The following COL28A1 variants were observed in gnomAD, a reference collection of about 807,000 sequenced individuals.
COL28A1 encodes collagen alpha-1(XXVIII) chain.
A neutral mutation model predicts 150.2 loss-of-function variants in COL28A1; 161 were observed. That is an observed-to-expected ratio of 1.07 (90% CI 0.94 to 1.22). The LOEUF is 1.22. Among genes scored for constraint, COL28A1 ranks in the 50% most tolerant of loss-of-function variants. The pLI, the probability that COL28A1 is intolerant of heterozygous loss-of-function variation, is 0.00. For missense variants in COL28A1, 1,617 were observed against 1,388.3 expected (o/e 1.16, Z -2.62); for synonymous variants, 552 against 469.7 (o/e 1.18, Z -2.26).
Position 7,381,479 on chromosome 7 carries a change from A to G in COL28A1, c.2205+65T>C. 2.5e-6 allele frequency: 3 copies of G among 1,179,176 alleles called. No individual in the cohort carries two copies. The Middle Eastern group carries it at 5.8e-4, about 227-fold the overall frequency. The allele number at this position is 1,179,176 out of a possible 1,614,324, so 73.0% of individuals were successfully genotyped here. ...GTGACACATATATGAGAGTTCTTCC[A>G]AAGTTAAAGTTAAGCTATTGCGATC... On this transcript the variant is annotated intron_variant, in intron 28 of 34. Transcript: ENST00000399429.
chr7:7,495,920 T>C (rs989494096), intron 11 of COL28A1, among the ~76,000 whole-genome samples: 8 of 152,132 alleles, frequency 5.3e-5, no homozygotes, highest in African/African-American at 1.7e-4. Flanking sequence ...CTCCAATCCA[T>C]CTGTCATCAG....
chr7:7,540,355 T>C (rs1400985595), upstream of COL28A1, among the ~76,000 whole-genome samples: 1 of 152,264 alleles, frequency 6.6e-6, no homozygotes, highest in South Asian at 2.1e-4. Context: ...ATTCTAGATC[T>C]TGGTGAATTA....
downstream of COL28A1, among the ~76,000 whole-genome samples, chr7:7,351,614 C>T (rs1002678560): frequency 2.0e-5 from 3 of 151,980 alleles, no homozygotes; most frequent in African/African-American, 7.3e-5. Context: ...TTTTTGGAGT[C>T]TGATGTGACT....
chr7:7,456,124 A>G lies in COL28A1; in HGVS notation c.1303-12T>C, dbSNP rs1168198806. ...GGTCCTATATCCCCCTGCACAGAAA[A>G]TAAGCCAGGAAATATAACAATAAAA... On this transcript the variant is annotated splice_polypyrimidine_tract_variant and intron_variant, in intron 15 of 34. Coordinates refer to ENST00000399429, the MANE Select transcript of COL28A1 (RefSeq NM_001037763.3). The G allele has an allele frequency of 1.2e-6, 2 of 1,610,098 alleles. No homozygotes were observed. The highest frequency in any genetic ancestry group is 1.7e-6 in the Non-Finnish European group (2 of 1,178,066).
intron 15 of COL28A1, among the ~76,000 whole-genome samples, chr7:7,463,344 T>C (rs1355445547): frequency 6.6e-6 from 1 of 152,182 alleles, no homozygotes; most frequent in African/African-American, 2.4e-5. Flanking sequence ...GAGCACTAAA[T>C]GGAACTTTTA....
At chr7:7,534,790 C>T (rs971649078) in intron 1 of COL28A1, among the ~76,000 whole-genome samples, 1 of 152,084 alleles carries the variant, frequency 6.6e-6, no homozygotes, top group Admixed American at 6.6e-5. Context: ...ATAACTTTTC[C>T]ATTGACAATA....
intron 27 of COL28A1, among the ~76,000 whole-genome samples, chr7:7,403,159 T>A (rs943950675): frequency 1.3e-5 from 2 of 151,498 alleles, no homozygotes; most frequent in African/African-American, 4.9e-5. Flanking sequence ...GATATGTAAG[T>A]CAACCTGTTG....
At chr7:7,432,930 A>G (rs1295600886) in intron 23 of COL28A1, among the ~76,000 whole-genome samples, 1 of 144,684 alleles carries the variant, frequency 6.9e-6, no homozygotes, top group Non-Finnish European at 1.5e-5. Context: ...GAAGAGTAGA[A>G]AAGAATACAT....
At chr7:7,381,467 G>T in intron 28 of COL28A1, 77 bp downstream of exon 28, 1 of 1,002,914 alleles carries the variant, frequency 1.0e-6, no homozygotes, top group Non-Finnish European at 1.6e-6. Flanking sequence ...ACACATATAT[G>T]AGAGTTCTTC....
chr7:7,424,868 T>G (rs10085695), intron 25 of COL28A1, among the ~76,000 whole-genome samples: 6 of 152,116 alleles, frequency 3.9e-5, no homozygotes, highest in African/African-American at 1.4e-4. Flanking sequence ...ACTTAACAAA[T>G]GATTCAGTGA....
chr7:7,366,667 T>C (rs746138121), intron 33 of COL28A1, among the ~76,000 whole-genome samples: 2 of 151,952 alleles, frequency 1.3e-5, no homozygotes, highest in African/African-American at 2.4e-5. Context: ...GCTAAGAACA[T>C]ATTTTGGTAG....
In COL28A1 at chr7:7,383,240, CT is replaced by C. The variant is rs145169411; in HGVS notation, c.2137-1629del. 3.7e-3 allele frequency among the ~76,000 whole-genome samples: 530 copies of C among 144,610 alleles called. 2 individuals are homozygous for C. The highest frequency in any genetic ancestry group is 5.9e-3 in the Non-Finnish European group (393 of 66,440). 94.9% of individuals were successfully genotyped at this position (144,610 alleles called of 152,430 possible). A position where few individuals can be genotyped will look rare whatever the true frequency, so the allele number is the denominator to read the frequency against. ...TTAACTACATTTCAAAATAATACATCTTTTTTTTGTTGTGTGTGTGTGTGTG... is the reference window on the plus strand; with the variant it reads ...TTAACTACATTTCAAAATAATACATCTTTTTTTGTTGTGTGTGTGTGTGTG... On this transcript the variant is annotated intron_variant, in intron 27 of 34. Transcript: ENST00000399429.
In COL28A1 at chr7:7,516,521, A is replaced by G. The variant is rs191564530; in HGVS notation, c.856-681T>C. Reference sequence around the variant, plus strand: ...CACTGCCCATGGCCCTTTAAGAAATACAATAGTGAATATTACATGGCCTGG... The same window carrying G: ...CACTGCCCATGGCCCTTTAAGAAATGCAATAGTGAATATTACATGGCCTGG... On this transcript the variant is annotated intron_variant, in intron 7 of 34. Coordinates refer to ENST00000399429, the MANE Select transcript of COL28A1 (RefSeq NM_001037763.3). 2.0e-5 allele frequency among the ~76,000 whole-genome samples: 3 copies of G among 152,322 alleles called. No homozygotes were observed. In the East Asian group the frequency reaches 5.8e-4, roughly 29 times the overall value.
At chr7:7,514,359 CTG>C (rs1781308020) in intron 8 of COL28A1, among the ~76,000 whole-genome samples, 5 of 152,322 alleles carry the variant, frequency 3.3e-5, no homozygotes, top group African/African-American at 1.2e-4. Flanking sequence ...TCCAACCACT[CTG>C]TAAATTAGGC....
At chr7:7,360,228 C>T (rs1016106024) in intron 34 of COL28A1, among the ~76,000 whole-genome samples, 162 bp downstream of exon 34, 3 of 152,172 alleles carry the variant, frequency 2.0e-5, no homozygotes, top group Admixed American at 6.5e-5. Context: ...TATATTTTGT[C>T]CTGCTTGTTT....
chr7:7,436,151 A>C (rs774501025), intron 23 of COL28A1, among the ~76,000 whole-genome samples: 6 of 152,228 alleles, frequency 3.9e-5, no homozygotes, highest in African/African-American at 1.2e-4. Context: ...TGACAGTGCA[A>C]AAGAGCATTT....
chr7:7,391,430 G>C (rs761932641), intron 27 of COL28A1, among the ~76,000 whole-genome samples: 7 of 152,180 alleles, frequency 4.6e-5, no homozygotes, highest in Non-Finnish European at 1.0e-4. Flanking sequence ...GGGTGATGTA[G>C]TGCTGAGAAG....
At chr7:7,421,259 A>G (rs192690704) in intron 25 of COL28A1, among the ~76,000 whole-genome samples, 2 of 152,366 alleles carry the variant, frequency 1.3e-5, no homozygotes, top group Admixed American at 1.3e-4. Flanking sequence ...GTAACTCTAT[A>G]GAAACAAAAA....
chr7:7,402,173 T>C (rs886584367), intron 27 of COL28A1, among the ~76,000 whole-genome samples: 1 of 152,246 alleles, frequency 6.6e-6, no homozygotes, highest in Non-Finnish European at 1.5e-5. Flanking sequence ...GGAAACTGTT[T>C]TGCACATTGA....
Sources: allele counts gnomAD v4.1 joint callset (sites outside exome capture counted in the v4.1 genomes callset), GRCh38; gene constraint gnomAD v4.1.1; transcripts MANE v1.5; gene names NCBI Gene and HGNC (gene_info 2026-07-23, HGNC 2026-07-21).